LARGE1: variants seen among roughly 807,000 people sequenced by gnomAD.
The protein encoded by LARGE1 is xylosyl- and glucuronyltransferase LARGE1.
Under a neutral mutation model 87.6 loss-of-function variants are expected in LARGE1, and 43 were observed. The ratio of observed to expected loss-of-function variants is 0.49; its 90% CI spans 0.38 to 0.63. LARGE1 has a LOEUF of 0.63. LARGE1 is among the 30% of genes least tolerant of loss of function. The pLI is 0.00. For missense variants in LARGE1, 802 were observed against 1,000.2 expected (o/e 0.80, Z 2.67); for synonymous variants, 434 against 394.6 (o/e 1.10, Z -1.18).
chr22:33,847,023 T>A (rs1054928498), intron 1 of LARGE1, among the ~76,000 whole-genome samples: 3 of 152,146 alleles, frequency 2.0e-5, no homozygotes, highest in African/African-American at 2.4e-5. Flanking sequence ...GTACACTCCC[T>A]CCCCTTTTGA....
intron 1 of LARGE1, among the ~76,000 whole-genome samples, chr22:33,797,396 G>A (rs960714673): frequency 6.6e-6 from 1 of 152,112 alleles, no homozygotes; most frequent in Non-Finnish European, 1.5e-5. Context: ...GGTCTGGGGA[G>A]GTATCCCACC....
At chr22:33,601,447 G>A (rs1342790429) in intron 5 of LARGE1, among the ~76,000 whole-genome samples, 1 of 152,158 alleles carries the variant, frequency 6.6e-6, no homozygotes, top group Non-Finnish European at 1.5e-5. Flanking sequence ...TGGTGGAGTA[G>A]GCAGATCATG....
Position 33,769,243 on chromosome 22 carries a change from GCA to G in LARGE1, c.-82-7687_-82-7686del, listed in dbSNP as rs2084994985. Among the ~76,000 whole-genome samples the G allele has an allele frequency of 2.0e-5, 3 of 152,162 alleles. No homozygotes were observed. The South Asian group carries it at 6.2e-4, about 32-fold the overall frequency. On this transcript the variant is annotated intron_variant, in intron 1 of 14. Coordinates refer to ENST00000397394, the MANE Select transcript of LARGE1 (RefSeq NM_133642.5). The stretch of plus-strand genomic sequence containing the variant: ...CCCACAAGTGAATACTGACTGAAGA[GCA>G]CCAGCACCACCCACTTCATTACACC...
At chr22:33,768,523 T>C (rs913270917) in intron 1 of LARGE1, among the ~76,000 whole-genome samples, 8 of 152,134 alleles carry the variant, frequency 5.3e-5, no homozygotes, top group African/African-American at 1.2e-4. Flanking sequence ...GGGACCTCAA[T>C]AGAATCAAGT....
rs552312341 is a variant in LARGE1 at position 33,419,470 on chromosome 22, G to GCA, written c.892+12690_892+12691insTG. On this transcript the variant is annotated intron_variant, in intron 7 of 14. Transcript: ENST00000397394. ...CGCCTGCTTGGTGGCCTTTGCACGT[G>GCA]CCGTCCTCTCTATCTGGGATGCTCA... is the stretch of plus-strand genomic sequence containing the variant. Among the ~76,000 whole-genome samples the GCA allele has an allele frequency of 1.5e-3, 235 of 152,172 alleles. 1 individual carries two copies. Among genetic ancestry groups the GCA allele is most frequent in the African/African-American group, 5.5e-3 (228 of 41,526 alleles).
At chr22:33,855,956 A>G (rs1432359299) in intron 1 of LARGE1, among the ~76,000 whole-genome samples, 1 of 152,162 alleles carries the variant, frequency 6.6e-6, no homozygotes, top group Non-Finnish European at 1.5e-5. Flanking sequence ...CAGGAATAAT[A>G]AATGATGGAG....
intron 10 of LARGE1, among the ~76,000 whole-genome samples, chr22:33,326,582 A>G (rs1937263636): frequency 6.6e-6 from 1 of 152,226 alleles, no homozygotes; most frequent in African/African-American, 2.4e-5. Flanking sequence ...GAGTTTAAGC[A>G]GATCACCAGG....
chr22:33,628,636 G>C (rs931041160), intron 3 of LARGE1, among the ~76,000 whole-genome samples: 2 of 152,032 alleles, frequency 1.3e-5, no homozygotes, highest in African/African-American at 4.8e-5. Flanking sequence ...TCTTAACCCT[G>C]GTGGTACATC....
At chr22:33,126,447 C>A in the LARGE1 span, among the ~76,000 whole-genome samples, 1 of 152,118 alleles carries the variant, frequency 6.6e-6, no homozygotes, top group African/African-American at 2.4e-5. Context: ...ATGTTGCATT[C>A]AAAAATTTTG....
At chr22:33,735,267 CT>C (rs2083613973) in intron 2 of LARGE1, among the ~76,000 whole-genome samples, 1 of 152,142 alleles carries the variant, frequency 6.6e-6, no homozygotes, top group South Asian at 2.1e-4. Flanking sequence ...GACTCGAAGC[CT>C]TTTTCCTTTG....
Position 33,918,492 on chromosome 22 carries a change from G to A in LARGE1, c.-83+1503C>T, listed in dbSNP as rs77710419. 3.4e-3 allele frequency among the ~76,000 whole-genome samples: 521 copies of A among 152,296 alleles called. 1 individual carries two copies. Among genetic ancestry groups the A allele is most frequent in the African/African-American group, 0.012 (505 of 41,552 alleles). On this transcript the variant is annotated intron_variant, in intron 1 of 14. Transcript: ENST00000397394. ...GGCTCGATAAATGTGTTCTCCACAAGCAATTTTCACTAAAGTACTCTTGAA... is the reference window on the plus strand; with the variant it reads ...GGCTCGATAAATGTGTTCTCCACAAACAATTTTCACTAAAGTACTCTTGAA...
chr22:33,303,763 G>A (rs910062538), intron 12 of LARGE1, among the ~76,000 whole-genome samples: 1 of 151,260 alleles, frequency 6.6e-6, no homozygotes, highest in Non-Finnish European at 1.5e-5. Flanking sequence ...CTGGGATTAC[G>A]GGCACATGCC....
At chr22:33,280,986 G>C (rs1930336179) in intron 13 of LARGE1, among the ~76,000 whole-genome samples, 1 of 152,324 alleles carries the variant, frequency 6.6e-6, no homozygotes, top group East Asian at 1.9e-4. Context: ...CACCGCCCTA[G>C]AGGACTTGTA....
Position 33,712,498 on chromosome 22 carries a change from C to G in LARGE1, c.106+48873G>C, listed in dbSNP as rs9621757. Among the ~76,000 whole-genome samples the G allele has an allele frequency of 4.2e-3, 640 of 152,294 alleles. 7 individuals carry two copies. The highest frequency in any genetic ancestry group is 0.015 in the African/African-American group (603 of 41,566). On this transcript the variant is annotated intron_variant, in intron 2 of 14. Coordinates refer to ENST00000397394, the MANE Select transcript of LARGE1 (RefSeq NM_133642.5). ...CCATGGGGTAACTAGGTGAGTCACA[C>G]AGTCCACTCCATCATCAATGGAAAT...
At position 33,784,909 on chromosome 22, in the gene LARGE1, A is replaced by G. The variant is rs560884352; in HGVS notation, c.-82-23351T>C. Among the ~76,000 whole-genome samples the G allele has an allele frequency of 6.1e-5, 9 of 147,340 alleles. No homozygotes were observed. The South Asian group carries it at 2.0e-3, about 32-fold the overall frequency. On this transcript the variant is annotated intron_variant, in intron 1 of 14. Transcript: ENST00000397394. ...GTACAGTATATATACTGTATATTAT[A>G]TGTGTGTGTATATACATATATGTAT...
chr22:33,378,209 A>G (rs2065046300), intron 9 of LARGE1, among the ~76,000 whole-genome samples: 1 of 152,216 alleles, frequency 6.6e-6, no homozygotes, highest in Admixed American at 6.5e-5. Context: ...AGTGCCTGGC[A>G]AATTTTTAAT....
rs535230421 is a variant in LARGE1 at position 33,748,024 on chromosome 22, C to CAAAAAAAAAAAAAAA, written c.106+13332_106+13346dup. The stretch of plus-strand genomic sequence containing the variant: ...GGGCACTGTGTGCCCTCTGCTGGAG[C>CAAAAAAAAAAAAAAA]AAAAAAAAAAAAAAAAAAAAAAAAA... On this transcript the variant is annotated intron_variant, in intron 2 of 14. Transcript: ENST00000397394. 1.4e-4 allele frequency among the ~76,000 whole-genome samples: 3 copies of CAAAAAAAAAAAAAAA among 21,736 alleles called. 1 individual carries two copies. The highest frequency in any genetic ancestry group is 2.0e-3 in the East Asian group (1 of 492). 14.3% of individuals were successfully genotyped at this position (21,736 alleles called of 152,430 possible). A position where few individuals can be genotyped will look rare whatever the true frequency, so the allele number is the denominator to read the frequency against.
chr22:33,222,345 GAGAA>G (rs1460848670), intron 11 of LARGE1, among the ~76,000 whole-genome samples: 1 of 152,154 alleles, frequency 6.6e-6, no homozygotes, highest in African/African-American at 2.4e-5. Context: ...CTGCACTGCT[GAGAA>G]AGAAGGGCCT....
At chr22:33,466,727 C>CACACACACACACAA (rs59248263) in intron 6 of LARGE1, among the ~76,000 whole-genome samples, 1 of 113,556 alleles carries the variant, frequency 8.8e-6, no homozygotes, top group Non-Finnish European at 1.9e-5. Context: ...CACACACACA[C>CACACACACACACAA]TACACACACA....
Sources: allele counts gnomAD v4.1 joint callset (sites outside exome capture counted in the v4.1 genomes callset), GRCh38; gene constraint gnomAD v4.1.1; transcripts MANE v1.5; gene names NCBI Gene and HGNC (gene_info 2026-07-23, HGNC 2026-07-21).